Variants in CTSB observed in about 807,000 individuals in gnomAD.
The protein encoded by CTSB is APP secretase.
Under a neutral mutation model 44.3 loss-of-function variants are expected in CTSB, and 57 were observed. That is an observed-to-expected ratio of 1.29 (90% CI 1.04 to 1.60). CTSB has a LOEUF of 1.60. CTSB is among the 40% of genes most tolerant of loss of function. CTSB has a pLI of 0.00. For missense variants in CTSB, 768 were observed against 443.0 expected (o/e 1.73, Z -6.59); for synonymous variants, 320 against 168.0 (o/e 1.91, Z -7.00).
At chr8:11,863,781 T>G (rs1192319175) in intron 1 of CTSB, among the ~76,000 whole-genome samples, 1 of 152,150 alleles carries the variant, frequency 6.6e-6, no homozygotes, top group Admixed American at 6.6e-5. Context: ...TGGTACTATC[T>G]AGTGTTGGTA....
chr8:11,847,560 A>G (rs1042483580), intron 7 of CTSB, 119 bp downstream of exon 7: 1 of 1,134,304 alleles, frequency 8.8e-7, no homozygotes, highest in Non-Finnish European at 1.2e-6. Context: ...CCCCTCCTCT[A>G]TCCTAGAGTT....
At chr8:11,855,847 G>T (rs938861397) in intron 1 of CTSB, among the ~76,000 whole-genome samples, 3 of 151,974 alleles carry the variant, frequency 2.0e-5, no homozygotes, top group East Asian at 1.9e-4. Context: ...GTGAAACCCC[G>T]TCTCCACTAA....
In CTSB at chr8:11,844,926, G is replaced by A; in HGVS notation, c.*199C>T. 1 of 581,440 alleles carries A rather than the reference G, an allele frequency of 1.7e-6. No individual in the cohort carries two copies. Among genetic ancestry groups the A allele is most frequent in the South Asian group, 2.1e-5 (1 of 47,416 alleles). 36.0% of individuals were successfully genotyped at this position (581,440 alleles called of 1,614,324 possible). ...AGGACGCTCTGTGCTGGCAGCGGTG[G>A]CTCACATGGCCTGTCTGCACTGTAA... On this transcript the variant is annotated 3_prime_UTR_variant, in exon 10 of 10. Coordinates refer to ENST00000353047, the MANE Select transcript of CTSB (RefSeq NM_001908.5).
intron 8 of CTSB, among the ~76,000 whole-genome samples, 186 bp downstream of exon 8, chr8:11,846,866 A>G (rs776893932): frequency 1.3e-5 from 2 of 152,094 alleles, no homozygotes; most frequent in African/African-American, 2.4e-5. Context: ...ACACCTGGAC[A>G]AAGACAGTCA....
intron 9 of CTSB, 108 bp from the exon 10 acceptor site, chr8:11,845,330 T>G (rs758102506): frequency 5.2e-5 from 44 of 852,314 alleles, no homozygotes; most frequent in Admixed American, 2.9e-4. Context: ...ACTCCTGCTG[T>G]TGGCCCACTA....
intron 1 of CTSB, among the ~76,000 whole-genome samples, chr8:11,858,668 G>A (rs907122524): frequency 6.6e-6 from 1 of 152,140 alleles, no homozygotes; most frequent in African/African-American, 2.4e-5. Context: ...CGAGACTGCT[G>A]AGAACTCAAA....
intron 1 of CTSB, chr8:11,854,671 G>C (rs1815216512): frequency 1.3e-5 from 2 of 152,074 alleles, no homozygotes; most frequent in Admixed American, 1.3e-4. Context: ...AGTAGAGATG[G>C]GGTTTTACCA....
At chr8:11,864,257 T>C (rs1404723486) in intron 1 of CTSB, 2 of 130,818 alleles carry the variant, frequency 1.5e-5, no homozygotes, top group African/African-American at 2.9e-5. Flanking sequence ...GGCAAGGGGA[T>C]CACTTGAAAC....
At chr8:11,848,605 G>C in intron 5 of CTSB, 2 of 326,010 alleles carry the variant, frequency 6.1e-6, no homozygotes, top group Admixed American at 4.0e-5. Context: ...GCAGCCGCCA[G>C]TGAACACCGC....
At chr8:11,846,470 A>C (rs1053240914) in intron 8 of CTSB, 1 of 152,722 alleles carries the variant, frequency 6.5e-6, no homozygotes, top group African/African-American at 2.4e-5. Context: ...TGCAGTCAGC[A>C]AAGACTGTTC....
At position 11,856,630 on chromosome 8, in the gene CTSB, G is replaced by T. The variant is rs904114604; in HGVS notation, c.-25-3151C>A. Reference sequence around the variant, plus strand: ...AATAAAAGTAAAAAACCAACTAGTTGAAGTGAATTCTATTGTATTAACAGA... The same window carrying T: ...AATAAAAGTAAAAAACCAACTAGTTTAAGTGAATTCTATTGTATTAACAGA... On this transcript the variant is annotated intron_variant, in intron 1 of 9. Transcript: ENST00000353047. Among the ~76,000 whole-genome samples the T allele has an allele frequency of 3.3e-5, 5 of 152,188 alleles. No individual in the cohort carries two copies. The East Asian group carries it at 9.7e-4, about 29-fold the overall frequency.
At chr8:11,848,250 C>T (rs1421079073) in intron 5 of CTSB, 98 bp from the exon 6 acceptor site, 2 of 1,031,516 alleles carry the variant, frequency 1.9e-6, no homozygotes, top group South Asian at 1.3e-5. Flanking sequence ...CTCGTGGACC[C>T]ACCCCCAGCT....
chr8:11,847,207 G>T, intron 7 of CTSB, 39 bp from the exon 8 acceptor site: 1 of 1,365,474 alleles, frequency 7.3e-7, no homozygotes, highest in South Asian at 1.2e-5. Context: ...GGAGGGCAGT[G>T]ACCGTGCCTC....
chr8:11,851,030 C>A, intron 3 of CTSB, 50 bp from the exon 4 acceptor site: 1 of 1,411,038 alleles, frequency 7.1e-7, no homozygotes, highest in South Asian at 1.2e-5. Flanking sequence ...CAACTCCCTC[C>A]CCAATCCCTG....
chr8:11,846,418 G>A (rs1005027062), intron 8 of CTSB: 4 of 152,330 alleles, frequency 2.6e-5, no homozygotes, highest in East Asian at 1.9e-4. Flanking sequence ...TCAAACTGTT[G>A]TTTTACAAGT....
At chr8:11,849,290 C>T (rs1379705694) in intron 4 of CTSB, 126 bp from the exon 5 acceptor site, 7 of 640,100 alleles carry the variant, frequency 1.1e-5, no homozygotes, top group East Asian at 5.6e-5. Context: ...CACCAGGGGA[C>T]GCTCCTGGGG....
intron 1 of CTSB, among the ~76,000 whole-genome samples, chr8:11,860,057 G>C (rs550667859): frequency 2.6e-5 from 4 of 152,100 alleles, no homozygotes; most frequent in Admixed American, 1.3e-4. Flanking sequence ...GGGCGACAGA[G>C]CAACACTCTG....
intron 1 of CTSB, among the ~76,000 whole-genome samples, chr8:11,865,836 G>A (rs1417257556): frequency 4.9e-5 from 7 of 144,004 alleles, no homozygotes; most frequent in South Asian, 2.2e-4. Context: ...GTGAAAGCCC[G>A]TCTCTACTAA....
At position 11,844,560 on chromosome 8, in the gene CTSB, A is replaced by T. The variant is rs543287092; in HGVS notation, c.*565T>A. On this transcript the variant is annotated 3_prime_UTR_variant, in exon 10 of 10. Transcript: ENST00000353047. Reference sequence around the variant, plus strand: ...GTTCCACTGGCTCACCCACATGATTAGCAGAGTGCACGAAAAAATAAAACT... The same window carrying T: ...GTTCCACTGGCTCACCCACATGATTTGCAGAGTGCACGAAAAAATAAAACT... 1 of 152,982 alleles carries T rather than the reference A, an allele frequency of 6.5e-6. No homozygotes were observed. The highest frequency in any genetic ancestry group is 2.4e-5 in the African/African-American group (1 of 41,576). 9.5% of individuals were successfully genotyped at this position (152,982 alleles called of 1,614,324 possible).
Sources: allele counts gnomAD v4.1 joint callset (sites outside exome capture counted in the v4.1 genomes callset), GRCh38; gene constraint gnomAD v4.1.1; transcripts MANE v1.5; gene names NCBI Gene and HGNC (gene_info 2026-07-23, HGNC 2026-07-21).